CCDC85A: variants seen among roughly 807,000 people sequenced by gnomAD.
CCDC85A encodes the protein coiled-coil domain-containing protein 85A.
In CCDC85A, 38 loss-of-function variants were observed where a neutral mutation model predicts 50.2. The ratio of observed to expected loss-of-function variants is 0.76; its 90% confidence interval spans 0.58 to 0.99. CCDC85A has a LOEUF of 0.99. CCDC85A is among the 50% of genes least tolerant of loss of function. CCDC85A has a pLI of 0.00. For missense variants in CCDC85A, 820 were observed against 742.0 expected, an observed-to-expected ratio of 1.11 and a Z score of -1.22; for synonymous variants, 366 against 301.4, an observed-to-expected ratio of 1.21 and a Z score of -2.22.
intron 2 of CCDC85A, among the ~76,000 whole-genome samples, chr2:56,208,747 G>A (rs959653344): frequency 2.0e-5 from 3 of 152,054 alleles, no homozygotes; most frequent in East Asian, 1.9e-4. Context: ...TAAAGGGCAG[G>A]CACAGCAAAA....
At chr2:56,290,437 T>C (rs1671651851) in intron 2 of CCDC85A, among the ~76,000 whole-genome samples, 1 of 152,172 alleles carries the variant, frequency 6.6e-6, no homozygotes. Flanking sequence ...TGATCAAATA[T>C]GCCTGATTCT....
At chr2:56,207,966 A>C (rs1409545430) in intron 2 of CCDC85A, among the ~76,000 whole-genome samples, 2 of 152,200 alleles carry the variant, frequency 1.3e-5, no homozygotes, top group Non-Finnish European at 2.9e-5. Context: ...TTAATTAGAT[A>C]AAGGTGACTT....
chr2:56,284,444 C>G (rs766483462), intron 2 of CCDC85A, among the ~76,000 whole-genome samples: 1 of 152,176 alleles, frequency 6.6e-6, no homozygotes, highest in Non-Finnish European at 1.5e-5. Flanking sequence ...GTGATCTAGG[C>G]TCACTGCAAC....
Position 56,192,487 on chromosome 2 carries a change from A to T in CCDC85A, c.287A>T (p.Gln96Leu). 4 of 1,610,104 alleles carry T rather than the reference A, an allele frequency of 2.5e-6. No homozygotes were observed. Among genetic ancestry groups the T allele is most frequent in the Non-Finnish European group, 3.4e-6 (4 of 1,178,008 alleles). The change falls in exon 2 of 6, where the codon CAG becomes CTG. Residue 96 changes from glutamine to leucine, a missense_variant. By Grantham distance (113) the Gln-to-Leu change is moderately radical (BLOSUM62 -2). Coordinates refer to ENST00000407595, the MANE Select transcript of CCDC85A (RefSeq NM_001080433.2). This position sits in a 1 kb window ranked among gnomAD's most constrained non-coding sequence, Gnocchi z 4.7. ...GEIRGLKDIN[Q>L]KLQEDNQELR... ...TGTCTCTCTTTTCAGGATATCAACCAGAAACTCCAGGAAGACAACCAGGAA... is the reference window on the plus strand; with the variant it reads ...TGTCTCTCTTTTCAGGATATCAACCTGAAACTCCAGGAAGACAACCAGGAA...
At chr2:56,238,492 A>G (rs1370014678) in intron 2 of CCDC85A, among the ~76,000 whole-genome samples, 2 of 151,054 alleles carry the variant, frequency 1.3e-5, no homozygotes, top group African/African-American at 2.4e-5. Flanking sequence ...TTAATATTCT[A>G]TTAAAAAGGT....
intron 2 of CCDC85A, chr2:56,235,204 C>T (rs1339423767): frequency 1.3e-5 from 2 of 152,080 alleles, no homozygotes; most frequent in Admixed American, 1.3e-4. Flanking sequence ...TGGATAATCT[C>T]ATTAGTTGGA....
At chr2:56,227,193 C>T (rs2103925003) in intron 2 of CCDC85A, among the ~76,000 whole-genome samples, 1 of 152,040 alleles carries the variant, frequency 6.6e-6, no homozygotes, top group Non-Finnish European at 1.5e-5. Context: ...AGTTCTATTT[C>T]TTTACATTCT....
At chr2:56,330,971 C>T (rs761317580) in intron 2 of CCDC85A, among the ~76,000 whole-genome samples, 5 of 152,042 alleles carry the variant, frequency 3.3e-5, no homozygotes, top group African/African-American at 4.8e-5. Context: ...TGGAATCAAC[C>T]TAAGTGTCTA....
chr2:56,335,879 C>T (rs565664702), intron 2 of CCDC85A, among the ~76,000 whole-genome samples: 3 of 152,114 alleles, frequency 2.0e-5, no homozygotes, highest in East Asian at 3.9e-4. Context: ...GGATTACAGG[C>T]GTGAGCCACT....
chr2:56,313,754 T>C (rs751999720), intron 2 of CCDC85A, among the ~76,000 whole-genome samples: 6 of 152,062 alleles, frequency 3.9e-5, no homozygotes, highest in Non-Finnish European at 5.9e-5. Flanking sequence ...TGGAACATGA[T>C]GTTGCCTGTG....
chr2:56,195,433 A>T (rs1047248799), intron 2 of CCDC85A, among the ~76,000 whole-genome samples: 23 of 152,208 alleles, frequency 1.5e-4, no homozygotes. Context: ...GTCTACTTCA[A>T]GTTTTCTCAT....
intron 2 of CCDC85A, among the ~76,000 whole-genome samples, chr2:56,210,640 G>C (rs1264592876): frequency 6.6e-6 from 1 of 151,952 alleles, no homozygotes; most frequent in East Asian, 2.0e-4. Flanking sequence ...GGGCTGGGAT[G>C]GCTTGGAGTT....
Position 56,189,295 on chromosome 2 carries a change from G to GTATTTTTTTTTTTTTTTTTTTTTTT in CCDC85A, c.277-3181_277-3180insATTTTTTTTTTTTTTTTTTTTTTTT, listed in dbSNP as rs773078371. ...GCAAAACATGCACGGGGTATTTTTG[G>GTATTTTTTTTTTTTTTTTTTTTTTT]TGTTTTTTTTTTTTTTTGAGACAAG... On this transcript the variant is annotated intron_variant, in intron 1 of 5. Coordinates refer to ENST00000407595, the MANE Select transcript of CCDC85A (RefSeq NM_001080433.2). 2.2e-3 allele frequency among the ~76,000 whole-genome samples: 223 copies of GTATTTTTTTTTTTTTTTTTTTTTTT among 100,354 alleles called. 11 individuals are homozygous for GTATTTTTTTTTTTTTTTTTTTTTTT. The highest frequency in any genetic ancestry group is 9.2e-3 in the African/African-American group (205 of 22,346). The allele number at this position is 100,354 out of a possible 152,430, so 65.8% of individuals were successfully genotyped here.
chr2:56,374,786 G>A (rs1676253124), intron 4 of CCDC85A, among the ~76,000 whole-genome samples: 1 of 152,240 alleles, frequency 6.6e-6, no homozygotes, highest in African/African-American at 2.4e-5. Context: ...TCCAGCCTGG[G>A]CGATGGAGAG....
chr2:56,351,992 G>C (rs564211784), intron 3 of CCDC85A, among the ~76,000 whole-genome samples: 7 of 151,990 alleles, frequency 4.6e-5, no homozygotes, highest in South Asian at 4.2e-4. Flanking sequence ...TTAGGTCTAA[G>C]GTTTAAGTCT....
intron 2 of CCDC85A, among the ~76,000 whole-genome samples, chr2:56,243,254 A>C (rs1255435772): frequency 6.6e-6 from 1 of 152,060 alleles, no homozygotes; most frequent in Non-Finnish European, 1.5e-5. Context: ...CTCCTCTTTA[A>C]AGCCAATAAC....
At chr2:56,280,179 G>A (rs1671142269) in intron 2 of CCDC85A, among the ~76,000 whole-genome samples, 1 of 152,062 alleles carries the variant, frequency 6.6e-6, no homozygotes, top group Non-Finnish European at 1.5e-5. Flanking sequence ...GAATTTGATG[G>A]TTCATGCACT....
intron 2 of CCDC85A, among the ~76,000 whole-genome samples, chr2:56,324,635 G>A (rs1231177923): frequency 9.2e-5 from 14 of 152,058 alleles, no homozygotes; most frequent in Non-Finnish European, 2.9e-5. Context: ...GTGTTCTAAA[G>A]GGGAATGTTT....
At chr2:56,361,355 T>G (rs1222148443) in intron 3 of CCDC85A, among the ~76,000 whole-genome samples, 1 of 152,232 alleles carries the variant, frequency 6.6e-6, no homozygotes, top group Non-Finnish European at 1.5e-5. Flanking sequence ...GAATCTTTTT[T>G]GAGCATCTCT....
Sources: allele counts gnomAD v4.1 joint callset (sites outside exome capture counted in the v4.1 genomes callset), GRCh38; gene constraint gnomAD v4.1.1; non-coding constraint Gnocchi (gnomAD v3.1); transcripts MANE v1.5; gene names NCBI Gene and HGNC (gene_info 2026-07-23, HGNC 2026-07-21).